NAV2: variants seen among roughly 807,000 people sequenced by gnomAD.
NAV2 encodes the protein neuron navigator 2.
A neutral mutation model predicts 223.2 loss-of-function variants in NAV2; 54 were observed. The observed-to-expected ratio is 0.24, with a 90% CI of 0.19 to 0.30. The LOEUF (loss-of-function observed/expected upper bound fraction) is 0.30. Among genes scored for constraint, NAV2 ranks in the 10% least tolerant of loss-of-function variants. The pLI, the probability that NAV2 is intolerant of heterozygous loss-of-function variation, is 1.00. For synonymous variants in NAV2, 1,279 were observed against 1,239.3 expected, an observed-to-expected ratio of 1.03 and a Z score of -0.67; for missense variants, 2,806 against 3,147.5, an observed-to-expected ratio of 0.89 and a Z score of 2.60.
At chr11:20,043,905 C>T in intron 12 of NAV2, 76 bp from the exon 13 acceptor site, 1 of 1,431,162 alleles carries the variant, frequency 7.0e-7, no homozygotes, top group Non-Finnish European at 9.6e-7. Flanking sequence ...AGTGTTTTGG[C>T]ATTTTTGCCT....
At chr11:19,835,475 A>G (rs972562323) in intron 2 of NAV2, among the ~76,000 whole-genome samples, 5 of 152,182 alleles carry the variant, frequency 3.3e-5, no homozygotes, top group African/African-American at 1.2e-4. Context: ...TCAGTTGTCT[A>G]TCAGCCAGCT....
intron 1 of NAV2, among the ~76,000 whole-genome samples, chr11:19,804,853 G>A (rs978250488): frequency 6.6e-6 from 1 of 152,206 alleles, no homozygotes; most frequent in African/African-American, 2.4e-5. Flanking sequence ...TTCTAACCCA[G>A]TGCTTTTGAG....
intron 1 of NAV2, among the ~76,000 whole-genome samples, chr11:19,626,228 G>A (rs527719744): frequency 6.6e-6 from 1 of 152,246 alleles, no homozygotes; most frequent in East Asian, 1.9e-4. Flanking sequence ...AGAGATGGAG[G>A]TCTGTTTTCA....
chr11:19,893,269 T>G (rs955109312), intron 6 of NAV2, among the ~76,000 whole-genome samples: 1 of 152,176 alleles, frequency 6.6e-6, no homozygotes, highest in Non-Finnish European at 1.5e-5. Flanking sequence ...CCTCTATCTC[T>G]TGAGACATTG....
intron 1 of NAV2, among the ~76,000 whole-genome samples, chr11:19,530,807 A>G (rs1157292891): frequency 2.6e-5 from 4 of 152,250 alleles, no homozygotes; most frequent in Admixed American, 2.6e-4. Context: ...AGGTCGGCCT[A>G]ATTCTTCCAA....
chr11:19,679,106 G>C (rs898289051), intron 1 of NAV2, among the ~76,000 whole-genome samples: 3 of 152,214 alleles, frequency 2.0e-5, no homozygotes, highest in Non-Finnish European at 2.9e-5. Flanking sequence ...TGGAGAAAAG[G>C]CTGAGAGGAA....
At chr11:19,905,184 T>C (rs553867228) in intron 6 of NAV2, among the ~76,000 whole-genome samples, 2 of 152,336 alleles carry the variant, frequency 1.3e-5, no homozygotes, top group South Asian at 4.1e-4. Flanking sequence ...TGACCTCTTT[T>C]ACTCCATTCA....
At chr11:20,103,745 T>C (rs2061815838) in intron 34 of NAV2, 21 bp downstream of exon 34, 1 of 1,609,772 alleles carries the variant, frequency 6.2e-7, no homozygotes, top group Non-Finnish European at 8.5e-7. Context: ...CCTTCCCTTG[T>C]CCAGTTAAAC....
chr11:20,046,345 A>G (rs2057424543), intron 14 of NAV2, among the ~76,000 whole-genome samples: 1 of 152,056 alleles, frequency 6.6e-6, no homozygotes, highest in South Asian at 2.1e-4. Flanking sequence ...CAAAAAAAAA[A>G]AAAAAAGAAG....
chr11:19,759,531 C>T (rs1203928697), intron 1 of NAV2, among the ~76,000 whole-genome samples: 8 of 152,108 alleles, frequency 5.3e-5, no homozygotes, highest in Non-Finnish European at 1.0e-4. Flanking sequence ...CAAACAAATG[C>T]ACTTTTCCTG....
intron 6 of NAV2, among the ~76,000 whole-genome samples, chr11:19,925,473 G>A (rs915256398): frequency 2.6e-5 from 4 of 152,134 alleles, no homozygotes; most frequent in Non-Finnish European, 5.9e-5. Flanking sequence ...AATCCAGGCC[G>A]GGTGTGGTGG....
At chr11:19,386,531 AG>A (rs1277187375) in intron 1 of NAV2, among the ~76,000 whole-genome samples, 2 of 152,220 alleles carry the variant, frequency 1.3e-5, no homozygotes, top group African/African-American at 4.8e-5. Context: ...ACAGATTCTC[AG>A]AGACAGCGGG....
chr11:20,110,700 C>A (rs1170834062), intron 36 of NAV2, among the ~76,000 whole-genome samples: 1 of 152,004 alleles, frequency 6.6e-6, no homozygotes, highest in East Asian at 1.9e-4. Context: ...TGGAGTTCTC[C>A]CTATGATTTC....
At chr11:20,038,980 A>T (rs2056661430) in intron 12 of NAV2, among the ~76,000 whole-genome samples, 1 of 152,164 alleles carries the variant, frequency 6.6e-6, no homozygotes, top group African/African-American at 2.4e-5. Context: ...ATCACTGGGG[A>T]CATTGAGGAG....
chr11:20,014,860 C>A (rs1323077339), intron 11 of NAV2, among the ~76,000 whole-genome samples: 1 of 152,130 alleles, frequency 6.6e-6, no homozygotes, highest in African/African-American at 2.4e-5. Flanking sequence ...CAAGATCACA[C>A]CACTGCACTC....
intron 6 of NAV2, among the ~76,000 whole-genome samples, chr11:19,906,825 CCACTT>C (rs1221816697): frequency 1.3e-5 from 2 of 152,180 alleles, no homozygotes; most frequent in African/African-American, 4.8e-5. Flanking sequence ...AGGTCTTACT[CCACTT>C]GAGTCTGTTC....
chr11:19,690,655 G>C (rs1357036713), intron 1 of NAV2, among the ~76,000 whole-genome samples: 1 of 152,206 alleles, frequency 6.6e-6, no homozygotes, highest in Non-Finnish European at 1.5e-5. Flanking sequence ...GAATAGGACT[G>C]ATGCAAAAGC....
At chr11:19,919,471 C>T (rs773639770) in intron 6 of NAV2, among the ~76,000 whole-genome samples, 27 of 152,052 alleles carry the variant, frequency 1.8e-4, no homozygotes, top group Admixed American at 1.3e-4. Flanking sequence ...GTGAAGTTGA[C>T]GGGGCACACA....
chr11:19,658,089 T>C (rs186941658), intron 1 of NAV2, among the ~76,000 whole-genome samples: 393 of 152,302 alleles, frequency 2.6e-3, no homozygotes, highest in Middle Eastern at 0.017. Flanking sequence ...AATAAATATA[T>C]TTTACTCTGT....
Sources: gnomAD v4.1 joint callset for allele counts (sites outside exome capture counted in the v4.1 genomes callset) on GRCh38, gnomAD v4.1.1 for gene constraint, MANE v1.5 for transcripts, NCBI Gene and HGNC (gene_info 2026-07-23, HGNC 2026-07-21) for gene names.